The following IL12RB1 variants were observed in gnomAD, a reference collection of about 807,000 sequenced individuals.
IL12RB1 encodes the protein interleukin-12 receptor subunit beta-1.
A neutral mutation model predicts 94.4 loss-of-function variants in IL12RB1; 64 were observed. That is an observed-to-expected ratio of 0.68 (90% CI 0.55 to 0.83). IL12RB1 has a LOEUF of 0.83. IL12RB1 is among the 40% of genes least tolerant of loss of function. The pLI, the probability that IL12RB1 is intolerant of heterozygous loss-of-function variation, is 0.00. For missense variants in IL12RB1, 814 were observed against 855.6 expected (o/e 0.95, Z 0.61); for synonymous variants, 362 against 355.5 (o/e 1.02, Z -0.21).
intron 12 of IL12RB1, among the ~76,000 whole-genome samples, chr19:18,065,821 A>G (rs2034534470): frequency 6.6e-6 from 1 of 151,612 alleles, no homozygotes; most frequent in Non-Finnish European, 1.5e-5. Context: ...TCCCTCTCAA[A>G]AAGAAAAAAA....
chr19:18,059,980 C>A lies in IL12RB1; in HGVS notation c.1897G>T (p.Glu633Ter), dbSNP rs772340282. 5 of 1,600,412 alleles carry A rather than the reference C, an allele frequency of 3.1e-6. No homozygotes were observed. In the East Asian group the frequency reaches 1.1e-4, roughly 36 times the overall value. The change falls in exon 16 of 17, where the codon GAG becomes TAG. Residue 633 changes from glutamate to a stop codon, truncating the protein, a stop_gained. Coordinates refer to ENST00000593993, the MANE Select transcript of IL12RB1 (RefSeq NM_005535.3). LOFTEE classifies it high-confidence loss of function. ...GCACCCTCAGGTAGCTCTGTCTTCTCGAGAGGCTCAGTCCTCTCGCCTTTG... is the reference window on the plus strand; with the variant it reads ...GCACCCTCAGGTAGCTCTGTCTTCTAGAGAGGCTCAGTCCTCTCGCCTTTG... ...WDKGERTEPL[E>*]KTELPEGAPE...
chr19:18,073,419 C>T, intron 8 of IL12RB1, 98 bp downstream of exon 8: 1 of 788,506 alleles, frequency 1.3e-6, no homozygotes. Flanking sequence ...CTCTACATCT[C>T]ATCTCCCTCC....
intron 6 of IL12RB1, among the ~76,000 whole-genome samples, 177 bp from the exon 7 acceptor site, chr19:18,076,045 G>A (rs1012860258): frequency 7.2e-5 from 11 of 152,112 alleles, no homozygotes; most frequent in Admixed American, 3.9e-4. Context: ...GATCACCCAC[G>A]TCCATCCCTG....
At chr19:18,085,373 C>T (rs985193709) in intron 1 of IL12RB1, among the ~76,000 whole-genome samples, 1 of 141,178 alleles carries the variant, frequency 7.1e-6, no homozygotes, top group East Asian at 2.1e-4. Context: ...AAAGCCCATC[C>T]TCCTTCCCTT....
At position 18,059,935 on chromosome 19, in the gene IL12RB1, T is replaced by C; in HGVS notation, c.1942A>G (p.Thr648Ala). ...PEGAPELALD[T>A]ELSLEDGDRC... ...TCTCCATCCTCCAAGGACAACTCTG[T>C]ATCCAGGGCCAGCTCAGGGGCACCC... The change falls in exon 16 of 17, where the codon ACA becomes GCA. Residue 648 changes from threonine (T) to alanine (A), a missense_variant. By Grantham distance (58) the Thr-to-Ala change is moderately conservative. Transcript: ENST00000593993. 2 of 1,593,502 alleles carry C rather than the reference T, an allele frequency of 1.3e-6. No individual in the cohort carries two copies. Among genetic ancestry groups the C allele is most frequent in the South Asian group, 2.3e-5 (2 of 87,958 alleles).
In IL12RB1 at chr19:18,075,849, CA is replaced by C. The variant is rs1169002203; in HGVS notation, c.599del (p.Leu200ArgfsTer3). 1 of 1,613,632 alleles carries C rather than the reference CA, an allele frequency of 6.2e-7. No individual in the cohort carries two copies. The highest frequency in any genetic ancestry group is 1.1e-5 in the South Asian group (1 of 91,078). ...GGAATTCCTGGGCCACATTCATCTC[CA>C]GGGGGCAGAGGCAGGACTCTGGGGA... is the stretch of plus-strand genomic sequence containing the variant. Reference protein sequence around the residue: ...DDDTESCLCPLEMNVAQEFQL... With the variant: ...DDDTESCLCPXEMNVAQEFQL... On this transcript the variant is annotated frameshift_variant, in exon 7 of 17. Coordinates refer to ENST00000593993, the MANE Select transcript of IL12RB1 (RefSeq NM_005535.3). LOFTEE classifies it high-confidence loss of function.
chr19:18,059,351 T>C lies in IL12RB1; in HGVS notation c.*257A>G. The C allele has an allele frequency of 1.7e-6, 1 of 581,774 alleles. No homozygotes were observed. Among genetic ancestry groups the C allele is most frequent in the Non-Finnish European group, 3.1e-6 (1 of 324,058 alleles). The allele number at this position is 581,774 out of a possible 1,614,324, so 36.0% of individuals were successfully genotyped here. ...GAGCCCCCCTTGCCCCCATTCCCAG[T>C]CCATTCTACGCCAGAACAGGTAAAT... On this transcript the variant is annotated 3_prime_UTR_variant, in exon 17 of 17. Coordinates refer to ENST00000593993, the MANE Select transcript of IL12RB1 (RefSeq NM_005535.3).
At chr19:18,098,324 G>A (rs895138964) in intron 1 of IL12RB1, among the ~76,000 whole-genome samples, 3 of 152,098 alleles carry the variant, frequency 2.0e-5, no homozygotes, top group African/African-American at 7.2e-5. Flanking sequence ...GGAAACTGAG[G>A]CTCTAGTCCC....
chr19:18,095,827 TC>T (rs2036862434), intron 1 of IL12RB1, among the ~76,000 whole-genome samples: 1 of 151,842 alleles, frequency 6.6e-6, no homozygotes, highest in South Asian at 2.1e-4. Context: ...CTTCCTAGGG[TC>T]CCCTCGAGCC....
chr19:18,091,433 C>T (rs1369691793), upstream of IL12RB1: 1 of 152,214 alleles, frequency 6.6e-6, no homozygotes, highest in Non-Finnish European at 1.5e-5. Flanking sequence ...GGAACCACAG[C>T]ACTTCCCCAC....
intron 12 of IL12RB1, 102 bp downstream of exon 12, chr19:18,066,440 C>T (rs1439048585): frequency 8.7e-6 from 7 of 807,100 alleles, no homozygotes; most frequent in Non-Finnish European, 1.5e-5. Context: ...ATAACCAAGG[C>T]CCAGAGAAGG....
At chr19:18,080,754 A>G in intron 4 of IL12RB1, 78 bp downstream of exon 4, 1 of 959,094 alleles carries the variant, frequency 1.0e-6, no homozygotes, top group Non-Finnish European at 1.7e-6. Flanking sequence ...AAGGGCCAGG[A>G]ATCCTCTCTA....
chr19:18,062,088 C>T, intron 14 of IL12RB1, 93 bp downstream of exon 14: 1 of 842,226 alleles, frequency 1.2e-6, no homozygotes, highest in East Asian at 2.6e-5. Flanking sequence ...TGGGCAAAGC[C>T]AAGGACCCAA....
chr19:18,081,842 G>GA (rs1295760217), intron 3 of IL12RB1, among the ~76,000 whole-genome samples: 2 of 127,416 alleles, frequency 1.6e-5, no homozygotes, highest in African/African-American at 5.7e-5. Flanking sequence ...AAAGAAAAAA[G>GA]AAAAAATGGA....
intron 3 of IL12RB1, among the ~76,000 whole-genome samples, chr19:18,081,263 G>A (rs17882319): frequency 0.033 from 4,977 of 151,768 alleles, 276 homozygotes; most frequent in African/African-American, 0.11. Context: ...ATGCGTCTAA[G>A]TTTTGTATTT....
intron 4 of IL12RB1, among the ~76,000 whole-genome samples, chr19:18,077,932 G>C (rs570078182): frequency 1.3e-5 from 2 of 152,142 alleles, no homozygotes; most frequent in African/African-American, 4.8e-5. Context: ...GGGCAACATA[G>C]TGAGACCCCC....
rs771268901 is a variant in IL12RB1, at chr19:18,069,572, G to A, written c.1163C>T (p.Pro388Leu). ...GGLATCSLTA[P>L]QDPDPAGMAT... ...CATTCCAGCCGGATCCGGGTCTTGC[G>A]GCGCAGTCAGGCTGCAGGTGGCAAG... Residue 388 changes from proline (P) to leucine (L), a missense_variant, in exon 10 of 17, where the codon CCG becomes CTG. Physicochemically the swap from Pro to Leu is moderately conservative, Grantham distance 98. Coordinates refer to ENST00000593993, the MANE Select transcript of IL12RB1 (RefSeq NM_005535.3). 4.3e-6 allele frequency: 7 copies of A among 1,610,934 alleles called. No individual in the cohort carries two copies. The highest frequency in any genetic ancestry group is 3.3e-5 in the Admixed American group (2 of 59,990).
At chr19:18,082,018 A>G (rs2035946594) in intron 3 of IL12RB1, 132 bp downstream of exon 3, 2 of 702,216 alleles carry the variant, frequency 2.8e-6, no homozygotes, top group African/African-American at 1.8e-5. Flanking sequence ...CTCTTCTTAG[A>G]TGAGAAACTG....
chr19:18,097,624 G>C (rs999758563), intron 1 of IL12RB1, among the ~76,000 whole-genome samples: 1 of 152,142 alleles, frequency 6.6e-6, no homozygotes. Flanking sequence ...CTCTGCTGGA[G>C]GGGCGGGGCC....
Sources: allele counts gnomAD v4.1 joint callset (sites outside exome capture counted in the v4.1 genomes callset), GRCh38; gene constraint gnomAD v4.1.1; transcripts MANE v1.5; gene names NCBI Gene and HGNC (gene_info 2026-07-23, HGNC 2026-07-21).